C4orf36: variants seen among roughly 807,000 people sequenced by gnomAD.
C4orf36 encodes chromosome 4 open reading frame 36.
C4orf36 carries 11 observed loss-of-function variants against 12.2 expected under a neutral mutation model. The observed-to-expected ratio is 0.90, with a 90% CI of 0.57 to 1.49. C4orf36 has a LOEUF of 1.49. Ranked by LOEUF, C4orf36 falls within the 40% of genes most tolerant of loss-of-function variation. The probability of loss-of-function intolerance (pLI) is 0.00; values close to 1 mark genes in which losing one functional copy is unlikely to be tolerated. For synonymous variants in C4orf36, 54 were observed against 51.3 expected (o/e 1.05, Z -0.22); for missense variants, 137 against 133.9 (o/e 1.02, Z -0.11).
the C4orf36 span, among the ~76,000 whole-genome samples, chr4:86,908,218 C>CATAT: frequency 6.7e-6 from 1 of 148,596 alleles, no homozygotes; most frequent in Admixed American, 6.8e-5. Flanking sequence ...CACACACACA[C>CATAT]GTTGCTGGTG....
At chr4:86,887,987 C>A in intron 3 of C4orf36, 94 bp from the exon 4 acceptor site, 1 of 1,556,362 alleles carries the variant, frequency 6.4e-7, no homozygotes, top group Non-Finnish European at 8.7e-7. Flanking sequence ...ATCCATATGC[C>A]TGAATAATAA....
chr4:86,892,006 C>T, intron 1 of C4orf36, 177 bp downstream of exon 1: 1 of 988,146 alleles, frequency 1.0e-6, no homozygotes, highest in Non-Finnish European at 1.2e-6. Context: ...ATTCAAAACA[C>T]TCAGCACCAC....
upstream of C4orf36, chr4:86,892,427 C>T: frequency 2.0e-6 from 2 of 985,454 alleles, no homozygotes; most frequent in Non-Finnish European, 1.2e-6. Context: ...GAGTCTGGGG[C>T]TCCTCGCGTC....
chr4:86,917,902 T>C, the C4orf36 span, among the ~76,000 whole-genome samples: 3 of 152,246 alleles, frequency 2.0e-5, no homozygotes, highest in South Asian at 4.1e-4. Flanking sequence ...ATAGAAAAGA[T>C]AATGTGTTGC....
At chr4:86,886,564 TATC>T (rs1747183100) in intron 4 of C4orf36, 1 of 152,216 alleles carries the variant, frequency 6.6e-6, no homozygotes, top group South Asian at 2.1e-4. Flanking sequence ...CACAATGAGA[TATC>T]ATCTCACACC....
chr4:86,926,090 G>A, the C4orf36 span: 1 of 152,306 alleles, frequency 6.6e-6, no homozygotes, highest in Non-Finnish European at 1.5e-5. Flanking sequence ...TGTTGACCAG[G>A]CTGGTCTTGA....
chr4:86,886,692 G>A (rs1438622247), intron 4 of C4orf36: 1 of 152,200 alleles, frequency 6.6e-6, no homozygotes, highest in African/African-American at 2.4e-5. Flanking sequence ...AACCATTGTG[G>A]AAGACAGTGT....
the C4orf36 span, among the ~76,000 whole-genome samples, chr4:86,917,885 T>C: frequency 2.0e-5 from 3 of 152,192 alleles, no homozygotes; most frequent in Admixed American, 6.5e-5. Context: ...TAAGTATTTG[T>C]ATAAACATAG....
At chr4:86,879,982 C>T (rs1055984718) in intron 4 of C4orf36, among the ~76,000 whole-genome samples, 1 of 151,978 alleles carries the variant, frequency 6.6e-6, no homozygotes, top group Non-Finnish European at 1.5e-5. Flanking sequence ...TCTGGAGTAA[C>T]TGTGACTATA....
At chr4:86,891,200 C>T (rs1383867401) in intron 2 of C4orf36, among the ~76,000 whole-genome samples, 2 of 148,674 alleles carry the variant, frequency 1.3e-5, no homozygotes, top group Non-Finnish European at 1.5e-5. Flanking sequence ...AGGACTGTGA[C>T]TTTGATCAAA....
At chr4:86,920,691 C>T in the C4orf36 span, among the ~76,000 whole-genome samples, 1 of 152,170 alleles carries the variant, frequency 6.6e-6, no homozygotes, top group Non-Finnish European at 1.5e-5. Context: ...GGAACAAATT[C>T]ACTTCTATAA....
the C4orf36 span, among the ~76,000 whole-genome samples, chr4:86,929,140 CA>C: frequency 1.3e-5 from 2 of 152,166 alleles, no homozygotes. Context: ...ACCACAAACT[CA>C]GCAGTCTAAA....
chr4:86,919,203 G>C, the C4orf36 span, among the ~76,000 whole-genome samples: 3 of 151,332 alleles, frequency 2.0e-5, no homozygotes, highest in African/African-American at 7.3e-5. Context: ...TAGCAAAAAT[G>C]GTCACTTGGC....
intron 4 of C4orf36, among the ~76,000 whole-genome samples, chr4:86,878,242 C>T (rs998030294): frequency 1.3e-5 from 2 of 152,148 alleles, no homozygotes; most frequent in Non-Finnish European, 2.9e-5. Context: ...GGCGCATGCT[C>T]TCCCCTTCTC....
the C4orf36 span, chr4:86,913,436 C>T: frequency 5.8e-5 from 43 of 745,976 alleles, no homozygotes; most frequent in Non-Finnish European, 9.1e-5. Context: ...TCAGTCGTGG[C>T]CCTCTTGTCC....
chr4:86,895,104 G>A (rs951199053), upstream of C4orf36, among the ~76,000 whole-genome samples: 3 of 152,146 alleles, frequency 2.0e-5, no homozygotes, highest in Non-Finnish European at 2.9e-5. Flanking sequence ...TTGAGCCTGG[G>A]AGTTCAAGAC....
At chr4:86,923,567 G>A in the C4orf36 span, among the ~76,000 whole-genome samples, 1,642 of 152,170 alleles carry the variant, frequency 0.011, 36 homozygotes, top group African/African-American at 0.037. Context: ...AGACCAGCCT[G>A]GCCAATGTGG....
chr4:86,913,722 A>C, the C4orf36 span: 3 of 1,589,486 alleles, frequency 1.9e-6, no homozygotes, highest in African/African-American at 4.1e-5. Flanking sequence ...AGAGAAGCTG[A>C]CCCTGTGGAC....
intron 4 of C4orf36, among the ~76,000 whole-genome samples, chr4:86,885,848 C>T (rs1215462107): frequency 1.3e-5 from 2 of 152,080 alleles, no homozygotes; most frequent in African/African-American, 4.8e-5. Context: ...TCATAAATAG[C>T]TCTTATTATT....
Sources: allele counts gnomAD v4.1 joint callset (sites outside exome capture counted in the v4.1 genomes callset), GRCh38; gene constraint gnomAD v4.1.1; transcripts MANE v1.5; gene names NCBI Gene and HGNC (gene_info 2026-07-23, HGNC 2026-07-21).